TARP: variants seen among roughly 807,000 people sequenced by gnomAD.
the TARP span, among the ~76,000 whole-genome samples, chr7:38,269,086 G>A: frequency 1.3e-5 from 2 of 151,714 alleles, no homozygotes; most frequent in Non-Finnish European, 2.9e-5. Context: ...AGAGTTCCAG[G>A]TGGACCTGAC....
At chr7:38,265,956 A>G in the TARP span, among the ~76,000 whole-genome samples, 1 of 151,676 alleles carries the variant, frequency 6.6e-6, no homozygotes, top group Non-Finnish European at 1.5e-5. Flanking sequence ...TATTCTGCAC[A>G]TGCTGTGATG....
chr7:38,260,950 T>A, the TARP span, among the ~76,000 whole-genome samples: 4,471 of 151,892 alleles, frequency 0.029, 180 homozygotes, highest in East Asian at 0.13. Flanking sequence ...TCTTTGTGCA[T>A]ATGTAGAGAG....
the TARP span, among the ~76,000 whole-genome samples, chr7:38,271,344 G>T: frequency 2.6e-5 from 4 of 151,348 alleles, no homozygotes; most frequent in Admixed American, 2.0e-4. Flanking sequence ...GAAAGTGCCA[G>T]AACTTAAAAT....
chr7:38,273,588 T>C, the TARP span: 2 of 1,597,410 alleles, frequency 1.3e-6, no homozygotes, highest in Non-Finnish European at 1.7e-6. Flanking sequence ...AAAACTTACC[T>C]GTAATGATAA....
At chr7:38,265,583 G>A in the TARP span, 1 of 1,612,118 alleles carries the variant, frequency 6.2e-7, no homozygotes. Flanking sequence ...TTCTCAAGAA[G>A]ACAAAGGTAT....
chr7:38,264,171 C>A, the TARP span, among the ~76,000 whole-genome samples: 1 of 151,848 alleles, frequency 6.6e-6, no homozygotes, highest in Non-Finnish European at 1.5e-5. Context: ...ATGATCACTT[C>A]CATGTTATAT....
At chr7:38,261,597 G>A in the TARP span, among the ~76,000 whole-genome samples, 555 of 151,594 alleles carry the variant, frequency 3.7e-3, 5 homozygotes, top group African/African-American at 0.012. Context: ...ACAGGAGGCC[G>A]GGCACAGTGA....
chr7:38,265,751 C>T, the TARP span: 1 of 1,124,314 alleles, frequency 8.9e-7, no homozygotes, highest in Non-Finnish European at 1.3e-6. Flanking sequence ...TTTGGAGTGG[C>T]CTAGTACATA....
chr7:38,270,529 G>A, the TARP span, among the ~76,000 whole-genome samples: 1 of 151,516 alleles, frequency 6.6e-6, no homozygotes, highest in South Asian at 2.1e-4. Flanking sequence ...TTTCTAATCA[G>A]CAGCACAACT....
At chr7:38,269,451 C>G in the TARP span, 1 of 722,426 alleles carries the variant, frequency 1.4e-6, no homozygotes, top group Non-Finnish European at 2.5e-6. Flanking sequence ...CCTGCTTTCC[C>G]TCTATTACCT....
At chr7:38,272,143 A>G in the TARP span, among the ~76,000 whole-genome samples, 1 of 151,298 alleles carries the variant, frequency 6.6e-6, no homozygotes, top group Non-Finnish European at 1.5e-5. Flanking sequence ...AGCATTTTAC[A>G]AATAGTGATA....
chr7:38,269,976 A>G, the TARP span, among the ~76,000 whole-genome samples: 2 of 151,740 alleles, frequency 1.3e-5, no homozygotes, highest in Non-Finnish European at 2.9e-5. Context: ...GATGTGCACG[A>G]CTGTAGGCCC....
the TARP span, among the ~76,000 whole-genome samples, chr7:38,266,321 TG>T: frequency 1.3e-5 from 2 of 151,146 alleles, no homozygotes; most frequent in East Asian, 3.9e-4. Flanking sequence ...TTTTTGTTGT[TG>T]TTGAGACTGG....
the TARP span, among the ~76,000 whole-genome samples, chr7:38,265,991 C>T: frequency 1.3e-5 from 2 of 151,480 alleles, no homozygotes; most frequent in Non-Finnish European, 2.9e-5. Flanking sequence ...CTGCCTCCTA[C>T]CAGGGCTTCC....
the TARP span, among the ~76,000 whole-genome samples, chr7:38,264,860 C>T: frequency 1.3e-5 from 2 of 151,632 alleles, no homozygotes; most frequent in Non-Finnish European, 2.9e-5. Context: ...AACAGATAAA[C>T]ATCATTTTGT....
At chr7:38,259,788 G>A in the TARP span, 1 of 312,328 alleles carries the variant, frequency 3.2e-6, no homozygotes, top group Admixed American at 4.3e-5. Context: ...GAGGGACAAG[G>A]CTAGAAGCCG....
the TARP span, among the ~76,000 whole-genome samples, chr7:38,266,115 C>T: frequency 6.6e-6 from 1 of 151,538 alleles, no homozygotes; most frequent in African/African-American, 2.4e-5. Context: ...CCTTAATGAT[C>T]TCTCTACAGA....
the TARP span, among the ~76,000 whole-genome samples, chr7:38,268,071 G>A: frequency 6.6e-6 from 1 of 151,042 alleles, no homozygotes; most frequent in African/African-American, 2.4e-5. Context: ...GGTAAGGGCC[G>A]ATATTGTGGA....
the TARP span, among the ~76,000 whole-genome samples, chr7:38,271,761 G>A: frequency 6.6e-6 from 1 of 151,320 alleles, no homozygotes; most frequent in African/African-American, 2.4e-5. Flanking sequence ...GACCTGAGAT[G>A]CCTTAGAAAG....
Sources: allele counts gnomAD v4.1 joint callset (sites outside exome capture counted in the v4.1 genomes callset), GRCh38; gene constraint gnomAD v4.1.1; transcripts MANE v1.5.